CHD1L: variants seen among roughly 807,000 people sequenced by gnomAD.
CHD1L encodes the protein chromodomain helicase DNA binding protein 1 like, also known as ATP-dependent chromatin remodeler CHD1L.
In CHD1L, 118 loss-of-function variants were observed where a neutral mutation model predicts 115.9. The observed-to-expected ratio is 1.02, with a 90% CI of 0.88 to 1.19. The LOEUF (loss-of-function observed/expected upper bound fraction) is 1.19. Ranked by LOEUF, CHD1L falls within the 50% of genes most tolerant of loss-of-function variation. The pLI, the probability that CHD1L is intolerant of heterozygous loss-of-function variation, is 0.00. For missense variants in CHD1L, 1,179 were observed against 1,065.3 expected (o/e 1.11, Z -1.49); for synonymous variants, 411 against 387.1 (o/e 1.06, Z -0.72).
At chr1:147,274,585 A>G (rs7545467) in intron 12 of CHD1L, among the ~76,000 whole-genome samples, 14,272 of 151,948 alleles carry the variant, frequency 0.094, 744 homozygotes, top group East Asian at 0.16. Flanking sequence ...TTTCACATTA[A>G]TCAAAGAGAA....
the CHD1L span, chr1:147,201,064 G>C: frequency 1.1e-6 from 1 of 888,434 alleles, no homozygotes; most frequent in South Asian, 1.6e-5. Context: ...AATCATACAT[G>C]CTATCTCTAG....
chr1:147,245,696 C>CTTTTT (rs11350539), intron 1 of CHD1L, among the ~76,000 whole-genome samples: 1 of 147,260 alleles, frequency 6.8e-6, no homozygotes, highest in African/African-American at 2.5e-5. Context: ...GAAAATTCAA[C>CTTTTT]TTTTTTTTTT....
At chr1:147,178,521 AG>A in the CHD1L span, 2 of 1,611,370 alleles carry the variant, frequency 1.2e-6, no homozygotes, top group African/African-American at 2.7e-5. Flanking sequence ...GCCCAGCTTC[AG>A]TGCCTCTCAG....
intron 2 of CHD1L, among the ~76,000 whole-genome samples, chr1:147,254,290 G>A (rs1334774082): frequency 6.0e-4 from 92 of 152,248 alleles, no homozygotes; most frequent in Non-Finnish European, 4.4e-5. Context: ...AGGGCTGGGC[G>A]TTTTGTCGGT....
chr1:147,262,512 A>G (rs1372941199), intron 6 of CHD1L, among the ~76,000 whole-genome samples: 2 of 152,192 alleles, frequency 1.3e-5, no homozygotes, highest in Non-Finnish European at 2.9e-5. Context: ...AGCGACTAGC[A>G]GCCTTGGTTT....
At chr1:147,184,581 G>T in the CHD1L span, 1 of 1,548,404 alleles carries the variant, frequency 6.5e-7, no homozygotes, top group Non-Finnish European at 8.7e-7. This position sits in a 1 kb window ranked among gnomAD's most constrained non-coding sequence, Gnocchi z 4.4. Flanking sequence ...TCAGGTATTT[G>T]TAGAATATTC....
chr1:147,194,204 A>G, the CHD1L span, among the ~76,000 whole-genome samples: 2 of 152,154 alleles, frequency 1.3e-5, no homozygotes, highest in Non-Finnish European at 2.9e-5. Flanking sequence ...CATTGGGTGC[A>G]TATATATTTA....
intron 12 of CHD1L, among the ~76,000 whole-genome samples, chr1:147,273,980 C>G (rs1553955502): frequency 6.6e-6 from 1 of 152,108 alleles, no homozygotes; most frequent in Admixed American, 6.6e-5. Flanking sequence ...AAATCTCACC[C>G]CTCGGTGAAG....
the CHD1L span, among the ~76,000 whole-genome samples, chr1:147,206,746 C>G: frequency 6.6e-6 from 1 of 152,006 alleles, no homozygotes; most frequent in Non-Finnish European, 1.5e-5. Flanking sequence ...GGGAACATCA[C>G]ACACCAGGGC....
chr1:147,204,505 A>G, the CHD1L span: 1 of 1,556,672 alleles, frequency 6.4e-7, no homozygotes, highest in South Asian at 1.1e-5. Flanking sequence ...CAAATTAGGA[A>G]GAATCTCATG....
At chr1:147,204,951 C>A in the CHD1L span, 12 of 1,469,764 alleles carry the variant, frequency 8.2e-6, no homozygotes, top group South Asian at 1.1e-5. Context: ...TGCAGGAAGC[C>A]GTTCACGTGA....
intron 1 of CHD1L, among the ~76,000 whole-genome samples, chr1:147,250,951 T>C (rs868952071): frequency 1.3e-5 from 2 of 152,168 alleles, no homozygotes; most frequent in Admixed American, 6.5e-5. Context: ...AGTGAATAAA[T>C]CTCACAAGAT....
the CHD1L span, chr1:147,215,794 T>C: frequency 6.2e-7 from 1 of 1,612,330 alleles, no homozygotes; most frequent in Non-Finnish European, 8.5e-7. Context: ...TTCTTTGGCA[T>C]ACATCCTGAA....
Position 147,276,242 on chromosome 1 carries a change from C to T in CHD1L, c.1524C>T (p.Ala508=), listed in dbSNP as rs369037152. The T allele has an allele frequency of 2.1e-5, 34 of 1,614,136 alleles. No individual in the cohort carries two copies. The highest frequency in any genetic ancestry group is 3.3e-4 in the Middle Eastern group (2 of 6,062). The change falls in exon 14 of 23, where the codon GCC becomes GCT. Residue 508 remains alanine, a synonymous_variant. Coordinates refer to ENST00000369258, the MANE Select transcript of CHD1L (RefSeq NM_004284.6). Reference sequence around the variant, plus strand: ...CTCTGGGAGCCCAGAAACCCGCTGCCGATGCTGACCTCCAGGTATGATATG... The same window carrying T: ...CTCTGGGAGCCCAGAAACCCGCTGCTGATGCTGACCTCCAGGTATGATATG... ...HFTLGAQKPA[A]DADLQLSEIL... is the part of the protein sequence containing the mutation.
chr1:147,204,151 AGT>A, the CHD1L span: 1 of 1,082,254 alleles, frequency 9.2e-7, no homozygotes, highest in Non-Finnish European at 1.4e-6. Flanking sequence ...ATTCTTCATC[AGT>A]CTTTATCAAC....
the CHD1L span, chr1:147,179,328 G>A: frequency 1.2e-5 from 20 of 1,606,018 alleles, no homozygotes; most frequent in Admixed American, 3.2e-4. Context: ...ATGCCCCTTG[G>A]TGTGGTCACT....
the CHD1L span, chr1:147,184,556 A>G: frequency 1.9e-6 from 3 of 1,548,808 alleles, no homozygotes; most frequent in Non-Finnish European, 2.6e-6. This position sits in a 1 kb window ranked among gnomAD's most constrained non-coding sequence, Gnocchi z 4.4. Context: ...GATGATCTTG[A>G]CAGTTTTGAG....
rs587599292 is a variant in CHD1L, at chr1:147,295,154, C to T, written c.2616-277C>T. On this transcript the variant is annotated intron_variant, in intron 22 of 22. Coordinates refer to ENST00000369258, the MANE Select transcript of CHD1L (RefSeq NM_004284.6). ...TCTTTTTACATATTTGACTGAAATT[C>T]ACTCAGTGATGGTCTTCAAGATATT... 3.3e-5 allele frequency among the ~76,000 whole-genome samples: 5 copies of T among 152,308 alleles called. No individual in the cohort carries two copies. The East Asian group carries it at 9.6e-4, about 29-fold the overall frequency.
At position 147,295,508 on chromosome 1, in the gene CHD1L, A is replaced by C; in HGVS notation, c.2693A>C (p.Ter898SerextTer14). ...TCCTCCTCAAGACAGCTGGTGCCTT[A>C]AGAATTGGCCCAGCCTCAGATCCTG... ...SSSSSRQLVP[*>S] The change falls in exon 23 of 23, where the codon TAA becomes TCA. Residue 898 changes from the stop codon to serine (S), a stop_lost. Coordinates refer to ENST00000369258, the MANE Select transcript of CHD1L (RefSeq NM_004284.6). 1 of 1,606,830 alleles carries C rather than the reference A, an allele frequency of 6.2e-7. No homozygotes were observed. The highest frequency in any genetic ancestry group is 8.5e-7 in the Non-Finnish European group (1 of 1,175,264).
Sources: allele counts gnomAD v4.1 joint callset (sites outside exome capture counted in the v4.1 genomes callset), GRCh38; gene constraint gnomAD v4.1.1; non-coding constraint Gnocchi (gnomAD v3.1); transcripts MANE v1.5; gene names NCBI Gene and HGNC (gene_info 2026-07-23, HGNC 2026-07-21).